Variants in RBFOX1 observed in about 807,000 individuals in gnomAD.
RBFOX1 encodes RNA binding protein fox-1 homolog 1.
A neutral mutation model predicts 57.7 loss-of-function variants in RBFOX1; 8 were observed. That is an observed-to-expected ratio of 0.14 (90% CI 0.08 to 0.25). The LOEUF is 0.25. Among genes scored for constraint, RBFOX1 ranks in the 10% least tolerant of loss-of-function variants. RBFOX1 has a pLI of 1.00. For synonymous variants in RBFOX1, 326 were observed against 222.4 expected (o/e 1.47, Z -4.15); for missense variants, 611 against 548.5 (o/e 1.11, Z -1.14).
At position 6,035,321 on chromosome 16, in the gene RBFOX1, A is replaced by G. The variant is rs961360514; in HGVS notation, c.-127+15329A>G. The stretch of plus-strand genomic sequence containing the variant: ...CATTCAGCCGTCTCAGCCAAGGGAC[A>G]CTCATTTAGTTCTTCCCCAAGGATG... On this transcript the variant is annotated intron_variant, in intron 1 of 15. Coordinates refer to ENST00000550418, the MANE Select transcript of RBFOX1 (RefSeq NM_018723.4). 2.6e-5 allele frequency among the ~76,000 whole-genome samples: 4 copies of G among 152,254 alleles called. No individual in the cohort carries two copies. In the East Asian group the frequency reaches 7.7e-4, roughly 29 times the overall value.
chr16:7,283,579 C>A (rs2095951180), intron 4 of RBFOX1, among the ~76,000 whole-genome samples: 1 of 152,066 alleles, frequency 6.6e-6, no homozygotes, highest in African/African-American at 2.4e-5. Context: ...TATCTCCATC[C>A]CCTAGATCGC....
rs369565010 is a variant in RBFOX1 at position 7,137,586 on chromosome 16, T to C, written c.27+85488T>C. On this transcript the variant is annotated intron_variant, in intron 4 of 15. Transcript: ENST00000550418. ...ATTAAACCTCCTTTTCTTTATACAT[T>C]ACCCAGTCTCAGGTATGTCTTTATC... Among the ~76,000 whole-genome samples, 288 of 152,262 alleles carry C rather than the reference T, an allele frequency of 1.9e-3. 2 individuals carry two copies. Among genetic ancestry groups the C allele is most frequent in the African/African-American group, 6.6e-3 (275 of 41,548 alleles).
At chr16:5,732,916 T>G (rs1274135066) in intron 3 of RBFOX1, among the ~76,000 whole-genome samples, 1 of 152,140 alleles carries the variant, frequency 6.6e-6, no homozygotes. Context: ...TGGGAATGCC[T>G]GCCTTATTAT....
At chr16:7,469,107 T>G (rs533375498) in intron 4 of RBFOX1, among the ~76,000 whole-genome samples, 31 of 152,258 alleles carry the variant, frequency 2.0e-4, no homozygotes, top group Non-Finnish European at 3.5e-4. Context: ...CTAATTTTTT[T>G]GAATTTTTAG....
chr16:7,699,120 C>T (rs1401103902), intron 14 of RBFOX1, among the ~76,000 whole-genome samples: 1 of 152,184 alleles, frequency 6.6e-6, no homozygotes, highest in Non-Finnish European at 1.5e-5. Context: ...AATCTGCATT[C>T]TAACAAGTTG....
At chr16:6,887,708 G>T (rs1046790414) in intron 3 of RBFOX1, among the ~76,000 whole-genome samples, 17 of 151,432 alleles carry the variant, frequency 1.1e-4, no homozygotes, top group African/African-American at 4.1e-4. Context: ...TGTCACCCAG[G>T]TTGGAGTGCC....
chr16:6,991,697 T>C (rs1343222607), intron 3 of RBFOX1, among the ~76,000 whole-genome samples: 2 of 152,076 alleles, frequency 1.3e-5, no homozygotes, highest in African/African-American at 4.8e-5. Flanking sequence ...CTGCCATTCC[T>C]GCCTGACTTT....
chr16:5,817,731 G>A (rs1264184706), intron 3 of RBFOX1, among the ~76,000 whole-genome samples: 1 of 146,098 alleles, frequency 6.8e-6, no homozygotes, highest in African/African-American at 2.6e-5. Context: ...GAGTCTTGCT[G>A]TCACCCAGGC....
At chr16:5,686,856 G>A (rs1278081749) in intron 3 of RBFOX1, among the ~76,000 whole-genome samples, 1 of 152,090 alleles carries the variant, frequency 6.6e-6, no homozygotes, top group Non-Finnish European at 1.5e-5. Context: ...CTTTCATCTG[G>A]GGCTGAGAAT....
chr16:5,548,380 A>G (rs2045323194), intron 2 of RBFOX1, among the ~76,000 whole-genome samples: 1 of 151,574 alleles, frequency 6.6e-6, no homozygotes, highest in South Asian at 2.1e-4. Flanking sequence ...ATCTAAAATA[A>G]AAGTTGCAAT....
intron 3 of RBFOX1, among the ~76,000 whole-genome samples, chr16:5,708,238 A>G (rs1177746747): frequency 6.6e-6 from 1 of 152,134 alleles, no homozygotes; most frequent in East Asian, 1.9e-4. Context: ...TCTTGTATTC[A>G]TTATAATTTT....
At chr16:5,980,723 G>A (rs902229711) in intron 4 of RBFOX1, among the ~76,000 whole-genome samples, 1 of 152,102 alleles carries the variant, frequency 6.6e-6, no homozygotes, top group Non-Finnish European at 1.5e-5. Context: ...CTGGTGGCCT[G>A]AAAGAGCAAA....
intron 2 of RBFOX1, among the ~76,000 whole-genome samples, chr16:6,607,393 G>A (rs557767306): frequency 1.5e-4 from 23 of 151,484 alleles, no homozygotes; most frequent in Middle Eastern, 6.9e-3. Context: ...GTTATCATAA[G>A]CAGTTAGGTC....
chr16:6,597,590 G>A (rs921314016), intron 2 of RBFOX1, among the ~76,000 whole-genome samples: 3 of 152,026 alleles, frequency 2.0e-5, no homozygotes, highest in Admixed American at 1.3e-4. Flanking sequence ...GGAGAATGGC[G>A]TGAACCCGGG....
rs146081774 is a variant in RBFOX1, at chr16:7,393,290, A to C, written c.28-124857A>C. Among the ~76,000 whole-genome samples the C allele has an allele frequency of 7.2e-4, 109 of 152,258 alleles. 1 individual carries two copies. The highest frequency in any genetic ancestry group is 2.6e-3 in the African/African-American group (106 of 41,556). On this transcript the variant is annotated intron_variant, in intron 4 of 15. Transcript: ENST00000550418. ...GATCTCACTTCAGACCTTAATCCTTAAGTTTGTGTCTGGGAAGATGGGGTA... is the reference window on the plus strand; with the variant it reads ...GATCTCACTTCAGACCTTAATCCTTCAGTTTGTGTCTGGGAAGATGGGGTA...
intron 2 of RBFOX1, among the ~76,000 whole-genome samples, chr16:6,613,294 G>C (rs1333680267): frequency 1.3e-5 from 2 of 152,030 alleles, no homozygotes; most frequent in South Asian, 2.1e-4. Flanking sequence ...TGCAATAAGG[G>C]TAAACTTGGG....
chr16:6,406,157 A>G (rs1420998097), intron 2 of RBFOX1, among the ~76,000 whole-genome samples: 2 of 152,160 alleles, frequency 1.3e-5, no homozygotes, highest in Non-Finnish European at 2.9e-5. Flanking sequence ...AGATGGCAAC[A>G]CTCAATCCTA....
At chr16:6,804,466 C>G (rs1348788072) in intron 3 of RBFOX1, among the ~76,000 whole-genome samples, 1 of 152,160 alleles carries the variant, frequency 6.6e-6, no homozygotes, top group African/African-American at 2.4e-5. Flanking sequence ...GGTACACGCC[C>G]TCCAATGGAA....
chr16:6,890,954 C>G (rs1174256974), intron 3 of RBFOX1, among the ~76,000 whole-genome samples: 1 of 152,136 alleles, frequency 6.6e-6, no homozygotes, highest in African/African-American at 2.4e-5. Context: ...TGTAAGTGTT[C>G]CCTAGAATTC....
Sources: allele counts gnomAD v4.1 joint callset (sites outside exome capture counted in the v4.1 genomes callset), GRCh38; gene constraint gnomAD v4.1.1; transcripts MANE v1.5; gene names NCBI Gene and HGNC (gene_info 2026-07-23, HGNC 2026-07-21).